The following DMXL2 variants were observed in gnomAD, a reference collection of about 807,000 sequenced individuals.
DMXL2 encodes the protein Dmx like 2.
Under a neutral mutation model 331.1 loss-of-function variants are expected in DMXL2, and 103 were observed. The ratio of observed to expected loss-of-function variants is 0.31; its 90% CI spans 0.27 to 0.37. The LOEUF is 0.37. Ranked by LOEUF, DMXL2 falls within the 10% of genes least tolerant of loss-of-function variation. DMXL2 has a pLI of 1.00. For missense variants in DMXL2, 3,171 were observed against 3,642.9 expected, an observed-to-expected ratio of 0.87 and a Z score of 3.33; for synonymous variants, 1,281 against 1,252.1, an observed-to-expected ratio of 1.02 and a Z score of -0.49.
chr15:51,528,648 GAGAT>G (rs1486065180), intron 13 of DMXL2, among the ~76,000 whole-genome samples: 8 of 152,084 alleles, frequency 5.3e-5, no homozygotes, highest in Admixed American at 2.0e-4. Context: ...GTTACAGAAA[GAGAT>G]AGACCCCAAT....
In DMXL2 at chr15:51,450,309, C is replaced by T. The variant is rs775269467; in HGVS notation, c.8787G>A (p.Gln2929=). Reference sequence around the variant, plus strand: ...TTAGGAGTTGCTGTTTGGGTGCATACTGCAGTACCGTGGCACCATGATCGT... The same window carrying T: ...TTAGGAGTTGCTGTTTGGGTGCATATTGCAGTACCGTGGCACCATGATCGT... ...TCHDHGATVL[Q]YAPKQQLLIS... Residue 2929 remains glutamine (Q), a synonymous_variant, in exon 43 of 44, where the codon CAG becomes CAA. Coordinates refer to ENST00000560891, the MANE Select transcript of DMXL2 (RefSeq NM_001378457.1). 1.2e-6 allele frequency: 2 copies of T among 1,613,864 alleles called. No individual in the cohort carries two copies. The highest frequency in any genetic ancestry group is 8.5e-7 in the Non-Finnish European group (1 of 1,179,996).
rs150683678 is a variant in DMXL2, at chr15:51,566,705, C to T, written c.286-1539G>A. 9.6e-3 allele frequency among the ~76,000 whole-genome samples: 1,455 copies of T among 152,066 alleles called. 19 individuals carry two copies. The highest frequency in any genetic ancestry group is 0.034 in the African/African-American group (1,399 of 41,494). ...AATACATATATTTAATGAAAAAATA[C>T]CAAAACCATTTGTTTTAAGGCATTT... On this transcript the variant is annotated intron_variant, in intron 3 of 43. Transcript: ENST00000560891.
At chr15:51,529,075 T>C (rs911517950) in intron 13 of DMXL2, among the ~76,000 whole-genome samples, 4 of 151,894 alleles carry the variant, frequency 2.6e-5, no homozygotes, top group African/African-American at 7.2e-5. Context: ...AATGAAAACA[T>C]GACATACCAA....
intron 10 of DMXL2, 89 bp downstream of exon 10, chr15:51,538,124 G>A: frequency 6.9e-7 from 1 of 1,445,678 alleles, no homozygotes; most frequent in East Asian, 2.3e-5. Context: ...AAAGGAGGAA[G>A]AGCGGGAAGG....
At chr15:51,540,616 C>T (rs1286751491) in intron 9 of DMXL2, among the ~76,000 whole-genome samples, 3 of 151,668 alleles carry the variant, frequency 2.0e-5, no homozygotes, top group African/African-American at 7.3e-5. Flanking sequence ...ATTCTTTCAA[C>T]TTTCTTGTAG....
At chr15:51,487,616 C>T (rs554041359) in intron 22 of DMXL2, among the ~76,000 whole-genome samples, 3 of 152,184 alleles carry the variant, frequency 2.0e-5, no homozygotes, top group Non-Finnish European at 4.4e-5. Context: ...TGCCACCACA[C>T]CTGGCTAATT....
chr15:51,516,048 T>G (rs1157944721), intron 14 of DMXL2, among the ~76,000 whole-genome samples: 1 of 152,160 alleles, frequency 6.6e-6, no homozygotes, highest in African/African-American at 2.4e-5. Flanking sequence ...CAGAAATGAG[T>G]ACATTTTCCC....
intron 1 of DMXL2, among the ~76,000 whole-genome samples, chr15:51,588,365 T>C (rs1345141156): frequency 1.3e-5 from 2 of 151,974 alleles, no homozygotes. Flanking sequence ...CACCATGTTG[T>C]CCAGGCTAGT....
intron 1 of DMXL2, among the ~76,000 whole-genome samples, chr15:51,599,067 C>T (rs1309785787): frequency 6.6e-6 from 1 of 152,108 alleles, no homozygotes; most frequent in Non-Finnish European, 1.5e-5. Context: ...GGATTTTTAT[C>T]TTATTCAAAG....
intron 2 of DMXL2, among the ~76,000 whole-genome samples, chr15:51,574,163 G>A (rs2050859659): frequency 6.6e-6 from 1 of 152,156 alleles, no homozygotes; most frequent in African/African-American, 2.4e-5. Context: ...AGCTGATGAA[G>A]ACATCTCCAG....
In DMXL2 at chr15:51,585,548, T is replaced by C. The variant is rs541629748; in HGVS notation, c.88-9367A>G. On this transcript the variant is annotated intron_variant, in intron 1 of 43. Transcript: ENST00000560891. ...TGAACATGTATGTATAGATGATATA[T>C]GCGTATGTGTCCAAGAATCCCTACA... is the stretch of plus-strand genomic sequence containing the variant. Among the ~76,000 whole-genome samples, 12 of 152,224 alleles carry C rather than the reference T, an allele frequency of 7.9e-5. No homozygotes were observed. In the East Asian group the frequency reaches 2.3e-3, roughly 29 times the overall value.
At chr15:51,508,092 C>A (rs966111666) in intron 15 of DMXL2, among the ~76,000 whole-genome samples, 18 of 152,114 alleles carry the variant, frequency 1.2e-4, no homozygotes, top group African/African-American at 4.3e-4. Context: ...CAGTCTGGCA[C>A]CGCATGTTCT....
At chr15:51,564,669 T>G (rs528270376) in intron 4 of DMXL2, among the ~76,000 whole-genome samples, 3 of 152,250 alleles carry the variant, frequency 2.0e-5, no homozygotes, top group Admixed American at 2.0e-4. Context: ...TCCTTATTAA[T>G]TGTGAATATA....
intron 1 of DMXL2, among the ~76,000 whole-genome samples, chr15:51,620,695 G>A (rs2054570210): frequency 6.6e-6 from 1 of 152,176 alleles, no homozygotes; most frequent in South Asian, 2.1e-4. Context: ...AAATAAGGTG[G>A]TGGTTAAGGA....
Position 51,453,734 on chromosome 15 carries a change from G to A in DMXL2, c.8605-93C>T, listed in dbSNP as rs2039365076. On this transcript the variant is annotated intron_variant, in intron 40 of 43. Transcript: ENST00000560891. ...CATGTCTGCTAATAACATACTATAT[G>A]CATGAGCTAAAAATAGTTTTTAAAA... 3.1e-5 allele frequency: 31 copies of A among 984,326 alleles called. No homozygotes were observed. The South Asian group carries it at 4.5e-4, about 14-fold the overall frequency. 61.0% of individuals were successfully genotyped at this position (984,326 alleles called of 1,614,324 possible).
At chr15:51,590,936 T>C (rs893923138) in intron 1 of DMXL2, among the ~76,000 whole-genome samples, 2 of 151,878 alleles carry the variant, frequency 1.3e-5, no homozygotes, top group African/African-American at 4.8e-5. Context: ...TCATTAAAAA[T>C]AGCAGACAAG....
At chr15:51,497,484 T>C (rs1234426756) in intron 18 of DMXL2, among the ~76,000 whole-genome samples, 1 of 152,184 alleles carries the variant, frequency 6.6e-6, no homozygotes, top group Non-Finnish European at 1.5e-5. Context: ...ATAATAGCTA[T>C]CTGCTAGAAG....
In DMXL2 at chr15:51,517,120, A is replaced by T; in HGVS notation, c.2484T>A (p.Ala828=). Residue 828 remains alanine, a synonymous_variant, in exon 14 of 44, where the codon GCT becomes GCA. Transcript: ENST00000560891. Reference sequence around the variant, plus strand: ...CGAGTTCAATAATGCAGCCAGGTCGAGCAGTAGACTGTTGGCTCACAATAT... The same window carrying T: ...CGAGTTCAATAATGCAGCCAGGTCGTGCAGTAGACTGTTGGCTCACAATAT... The part of the protein sequence containing the change: ...VFNIVSQQST[A]RPGCIIELDA... 1 of 1,614,118 alleles carries T rather than the reference A, an allele frequency of 6.2e-7. No individual in the cohort carries two copies. Among genetic ancestry groups the T allele is most frequent in the African/African-American group, 1.3e-5 (1 of 75,064 alleles).
At chr15:51,590,676 C>T (rs761729472) in intron 1 of DMXL2, among the ~76,000 whole-genome samples, 2 of 152,056 alleles carry the variant, frequency 1.3e-5, no homozygotes, top group Admixed American at 6.5e-5. Context: ...TACAGGCATG[C>T]CACTGCACCC....
Sources: gnomAD v4.1 joint callset for allele counts (sites outside exome capture counted in the v4.1 genomes callset) on GRCh38, gnomAD v4.1.1 for gene constraint, MANE v1.5 for transcripts, NCBI Gene and HGNC (gene_info 2026-07-23, HGNC 2026-07-21) for gene names.